Variants in SAMTOR observed in about 807,000 individuals in gnomAD.
SAMTOR encodes the protein UPF0532 protein C7orf60.
chr7:112,939,561 C>T, the SAMTOR span: 1 of 1,613,764 alleles, frequency 6.2e-7, no homozygotes, highest in African/African-American at 1.3e-5. Context: ...TGAGGCCTCC[C>T]CTTCCTCCCT....
the SAMTOR span, among the ~76,000 whole-genome samples, chr7:112,833,150 T>G: frequency 6.6e-6 from 1 of 152,058 alleles, no homozygotes; most frequent in African/African-American, 2.4e-5. Flanking sequence ...TGAAGATGAA[T>G]GAATTCTAAT....
chr7:112,854,280 A>G, the SAMTOR span, among the ~76,000 whole-genome samples: 1 of 152,172 alleles, frequency 6.6e-6, no homozygotes, highest in Non-Finnish European at 1.5e-5. Context: ...CTGACTGGTT[A>G]AAGATTATTG....
chr7:112,839,809 G>A, the SAMTOR span, among the ~76,000 whole-genome samples: 15 of 151,438 alleles, frequency 9.9e-5, no homozygotes, highest in Admixed American at 6.6e-5. Context: ...ATATGCATAC[G>A]ATACTATTAG....
At chr7:112,870,528 G>T in the SAMTOR span, among the ~76,000 whole-genome samples, 1 of 152,044 alleles carries the variant, frequency 6.6e-6, no homozygotes, top group Non-Finnish European at 1.5e-5. Flanking sequence ...GGCCCTACAA[G>T]AGATACTTAA....
At chr7:112,908,351 T>C in the SAMTOR span, among the ~76,000 whole-genome samples, 1 of 152,184 alleles carries the variant, frequency 6.6e-6, no homozygotes, top group African/African-American at 2.4e-5. Flanking sequence ...ACCAGCTTTT[T>C]CCTGCCTTCA....
chr7:112,895,248 T>C, the SAMTOR span, among the ~76,000 whole-genome samples: 1 of 151,176 alleles, frequency 6.6e-6, no homozygotes, highest in South Asian at 2.1e-4. Flanking sequence ...CAATTATATG[T>C]TATATACACA....
chr7:112,850,803 C>G, the SAMTOR span, among the ~76,000 whole-genome samples: 2 of 151,998 alleles, frequency 1.3e-5, no homozygotes, highest in African/African-American at 4.8e-5. Flanking sequence ...CCTTTTTTCC[C>G]TCAGTTAATC....
the SAMTOR span, among the ~76,000 whole-genome samples, chr7:112,888,801 C>T: frequency 6.6e-6 from 1 of 152,104 alleles, no homozygotes; most frequent in African/African-American, 2.4e-5. Flanking sequence ...TACATATCTT[C>T]CTATATAATA....
the SAMTOR span, among the ~76,000 whole-genome samples, chr7:112,881,748 C>G: frequency 6.6e-6 from 1 of 152,210 alleles, no homozygotes; most frequent in Non-Finnish European, 1.5e-5. Context: ...CTTGGGTCTC[C>G]TGAGAGCTGT....
At chr7:112,870,422 A>C in the SAMTOR span, among the ~76,000 whole-genome samples, 1 of 152,214 alleles carries the variant, frequency 6.6e-6, no homozygotes, top group South Asian at 2.1e-4. Flanking sequence ...ATGCCAGCGA[A>C]GAATTTCATA....
At chr7:112,899,157 T>C in the SAMTOR span, among the ~76,000 whole-genome samples, 1 of 152,020 alleles carries the variant, frequency 6.6e-6, no homozygotes, top group Non-Finnish European at 1.5e-5. Flanking sequence ...GAATTCCAAA[T>C]AGCTTTTTGA....
chr7:112,938,893 A>C, the SAMTOR span, among the ~76,000 whole-genome samples: 1 of 152,214 alleles, frequency 6.6e-6, no homozygotes, highest in Admixed American at 6.5e-5. Flanking sequence ...AGGTGTCTTT[A>C]GGAGGCTTCC....
chr7:112,846,145 C>CTTTTT, the SAMTOR span, among the ~76,000 whole-genome samples: 20 of 129,006 alleles, frequency 1.6e-4, 1 homozygote, highest in African/African-American at 4.5e-4. Context: ...ATCTGTACAA[C>CTTTTT]TTTTTTTTTT....
At chr7:112,882,596 G>A in the SAMTOR span, among the ~76,000 whole-genome samples, 1 of 152,006 alleles carries the variant, frequency 6.6e-6, no homozygotes, top group Non-Finnish European at 1.5e-5. Context: ...GGCTGAGGCA[G>A]GAGAATAGCC....
At chr7:112,852,897 C>T in the SAMTOR span, among the ~76,000 whole-genome samples, 2 of 151,846 alleles carry the variant, frequency 1.3e-5, no homozygotes, top group Non-Finnish European at 1.5e-5. Flanking sequence ...TCTTTCACTG[C>T]CTCAACATGG....
the SAMTOR span, among the ~76,000 whole-genome samples, chr7:112,922,081 G>A: frequency 1.1e-4 from 17 of 152,198 alleles, no homozygotes; most frequent in African/African-American, 2.9e-4. Flanking sequence ...TCAGCCTGCC[G>A]AGTGCCTGCG....
the SAMTOR span, among the ~76,000 whole-genome samples, chr7:112,858,737 A>G: frequency 1.3e-5 from 2 of 152,188 alleles, no homozygotes; most frequent in African/African-American, 4.8e-5. Flanking sequence ...GTCCACTCCT[A>G]TGTTCCTAAA....
chr7:112,939,397 AG>A, the SAMTOR span: 1 of 790,404 alleles, frequency 1.3e-6, no homozygotes. Flanking sequence ...GGGCCCTCAA[AG>A]AAAAGGGGGC....
the SAMTOR span, among the ~76,000 whole-genome samples, chr7:112,917,143 G>A: frequency 6.6e-6 from 1 of 152,240 alleles, no homozygotes; most frequent in Middle Eastern, 3.2e-3. Context: ...CAGGCAGACT[G>A]CCTCCTCAAG....
Sources: allele counts gnomAD v4.1 joint callset (sites outside exome capture counted in the v4.1 genomes callset), GRCh38; gene constraint gnomAD v4.1.1; transcripts MANE v1.5; gene names NCBI Gene and HGNC (gene_info 2026-07-23, HGNC 2026-07-21).